The following P3H1 variants were observed in gnomAD, a reference collection of about 807,000 sequenced individuals.
P3H1 encodes prolyl 3-hydroxylase 1.
P3H1 carries 69 observed loss-of-function variants against 84.0 expected under a neutral mutation model. The ratio of observed to expected loss-of-function variants is 0.82; its 90% CI spans 0.68 to 1.00. The LOEUF (loss-of-function observed/expected upper bound fraction) is 1.00. Among genes scored for constraint, P3H1 ranks in the 50% least tolerant of loss-of-function variants. The probability of loss-of-function intolerance (pLI) is 0.00; values close to 1 mark genes in which losing one functional copy is unlikely to be tolerated. For missense variants in P3H1, 878 were observed against 962.8 expected, an observed-to-expected ratio of 0.91 and a Z score of 1.17; for synonymous variants, 366 against 388.8, an observed-to-expected ratio of 0.94 and a Z score of 0.69.
chr1:42,758,137 T>G (rs1332493677), intron 4 of P3H1, among the ~76,000 whole-genome samples: 1 of 152,156 alleles, frequency 6.6e-6, no homozygotes, highest in African/African-American at 2.4e-5. Context: ...GGTGAGGTGG[T>G]CAATGTCCTC....
rs1284394677 is a variant in P3H1 at position 42,750,817 on chromosome 1, T to TG, written c.1570-482dup. ...CCAGCCGCCCCGTCCGGGAGGGAGG[T>TG]GGGGGGGTCAGCCCCCTGCCCGGCC... On this transcript the variant is annotated intron_variant, in intron 10 of 14. Transcript: ENST00000296388. Among the ~76,000 whole-genome samples the TG allele has an allele frequency of 3.0e-3, 390 of 132,116 alleles. 1 individual carries two copies. The highest frequency in any genetic ancestry group is 0.011 in the African/African-American group (363 of 34,504). 86.7% of individuals were successfully genotyped at this position (132,116 alleles called of 152,430 possible). A position where few individuals can be genotyped will look rare whatever the true frequency, so the allele number is the denominator to read the frequency against.
Position 42,750,354 on chromosome 1 carries a change from G to C in P3H1, c.1570-18C>G. 6.2e-7 allele frequency: 1 copy of C among 1,613,622 alleles called. No homozygotes were observed. The highest frequency in any genetic ancestry group is 8.5e-7 in the Non-Finnish European group (1 of 1,179,898). The stretch of plus-strand genomic sequence containing the variant: ...TGCCCCAGCTGCCAAGGAGACAGAT[G>C]GTCAGCTGCCCTCAACGACTGATAT... On this transcript the variant is annotated intron_variant, in intron 10 of 14. Coordinates refer to ENST00000296388, the MANE Select transcript of P3H1 (RefSeq NM_022356.4).
rs1308728642 is a variant in P3H1 at position 42,750,299 on chromosome 1, T to A, written c.1607A>T (p.His536Leu). Residue 536 changes from histidine (H) to leucine (L), a missense_variant, in exon 11 of 15, where the codon CAC (histidine) becomes CTC (leucine). Physicochemically the swap from His to Leu is moderately conservative, Grantham distance 99. Transcript: ENST00000296388. Reference protein sequence around the residue: ...QEGKVPLQSAHLYYNVTEKVR... With the variant: ...QEGKVPLQSALLYYNVTEKVR... ...CTTCTCCGTCACGTTGTAGTACAGG[T>A]GGGCACTCTGCAGAGGAACTTTGCC... 1 of 1,614,048 alleles carries A rather than the reference T, an allele frequency of 6.2e-7. No individual in the cohort carries two copies. Among genetic ancestry groups the A allele is most frequent in the South Asian group, 1.1e-5 (1 of 91,050 alleles).
At position 42,755,459 on chromosome 1, in the gene P3H1, T is replaced by G. The variant is rs752294966; in HGVS notation, c.1170+89A>C. The G allele has an allele frequency of 2.1e-4, 257 of 1,238,792 alleles. 2 individuals are homozygous for G. The highest frequency in any genetic ancestry group is 6.1e-5 in the Non-Finnish European group (51 of 842,830). 76.7% of individuals were successfully genotyped at this position (1,238,792 alleles called of 1,614,324 possible). ...GGCTCAGCCTCCAGCAAGTTTTCTCTCAGAATCGCACAGTGTTCCCCTCCT... is the reference window on the plus strand; with the variant it reads ...GGCTCAGCCTCCAGCAAGTTTTCTCGCAGAATCGCACAGTGTTCCCCTCCT... On this transcript the variant is annotated intron_variant, in intron 6 of 14. Coordinates refer to ENST00000296388, the MANE Select transcript of P3H1 (RefSeq NM_022356.4).
At chr1:42,756,270 A>C (rs980984711) in intron 5 of P3H1, 1 of 155,146 alleles carries the variant, frequency 6.4e-6, no homozygotes, top group Admixed American at 6.3e-5. Flanking sequence ...CCTAAAGCCC[A>C]TGTGCTTTCT....
At chr1:42,752,811 A>G in intron 8 of P3H1, 147 bp from the exon 9 acceptor site, 2 of 1,005,156 alleles carry the variant, frequency 2.0e-6, no homozygotes, top group South Asian at 2.9e-5. Context: ...TTTCAAAGGT[A>G]GAATAGTCCA....
Position 42,766,579 on chromosome 1 carries a change from C to G in P3H1, c.393G>C (p.Ser131=). The G allele has an allele frequency of 6.2e-7, 1 of 1,611,194 alleles. No individual in the cohort carries two copies. Among genetic ancestry groups the G allele is most frequent in the Non-Finnish European group, 8.5e-7 (1 of 1,179,140 alleles). The stretch of plus-strand genomic sequence containing the variant: ...ACTCCAGCTCCATCTCTTCGCTGAG[C>G]GAGTGGGCGGCCGGCGGCCCGAGGC... The part of the protein sequence containing the change: ...RRCLGPPAAH[S]LSEEMELEFR... The change falls in exon 1 of 15, where the codon TCG becomes TCC. Residue 131 remains serine (S), a synonymous_variant. Coordinates refer to ENST00000296388, the MANE Select transcript of P3H1 (RefSeq NM_022356.4).
At position 42,754,785 on chromosome 1, in the gene P3H1, G is replaced by A; in HGVS notation, c.1345+84C>T. ...CTCATGGTGAGCTCTGCAATGCTGG[G>A]GTGGAGCGCTGCCTGGCAAATGTGG... On this transcript the variant is annotated intron_variant, in intron 8 of 14. Transcript: ENST00000296388. This position sits in a 1 kb window ranked among gnomAD's most constrained non-coding sequence, Gnocchi z 4.0. 1.3e-6 allele frequency: 2 copies of A among 1,581,244 alleles called. No homozygotes were observed. The highest frequency in any genetic ancestry group is 1.7e-6 in the Non-Finnish European group (2 of 1,152,144).
At position 42,750,655 on chromosome 1, in the gene P3H1, G is replaced by GC. The variant is rs1301230654; in HGVS notation, c.1570-320_1570-319insG. Among the ~76,000 whole-genome samples, 4 of 130,958 alleles carry GC rather than the reference G, an allele frequency of 3.1e-5. 1 individual carries two copies. Among genetic ancestry groups the GC allele is most frequent in the South Asian group, 2.5e-4 (1 of 4,016 alleles). The allele number at this position is 130,958 out of a possible 152,430, so 85.9% of individuals were successfully genotyped here. A position where few individuals can be genotyped will look rare whatever the true frequency, so the allele number is the denominator to read the frequency against. ...ACCCCGTCCGGGAGGGAGGCCGGGG[G>GC]GGGTGGTCGGCCAGCCGCCCCGTCC... On this transcript the variant is annotated intron_variant, in intron 10 of 14. Coordinates refer to ENST00000296388, the MANE Select transcript of P3H1 (RefSeq NM_022356.4).
chr1:42,759,249 C>T lies in P3H1; in HGVS notation c.760G>A (p.Gly254Ser), dbSNP rs914752084. The T allele has an allele frequency of 1.9e-6, 3 of 1,613,998 alleles. No individual in the cohort carries two copies. Among genetic ancestry groups the T allele is most frequent in the Admixed American group, 3.3e-5 (2 of 59,994 alleles). Reference sequence around the variant, plus strand: ...GCGTTGTACTCAAGGTAGTTGTAGCCATCGTAGTCATAGGGCCCTTCGCAG... The same window carrying T: ...GCGTTGTACTCAAGGTAGTTGTAGCTATCGTAGTCATAGGGCCCTTCGCAG... ...ALCEGPYDYDGYNYLEYNADL... is the reference protein window; with the variant it reads ...ALCEGPYDYDSYNYLEYNADL... Residue 254 changes from glycine (G) to serine (S), a missense_variant, in exon 3 of 15, where the codon GGC becomes AGC. Physicochemically the swap from Gly to Ser is moderately conservative, Grantham distance 56 (BLOSUM62 0). Coordinates refer to ENST00000296388, the MANE Select transcript of P3H1 (RefSeq NM_022356.4).
intron 4 of P3H1, 81 bp from the exon 5 acceptor site, chr1:42,758,003 G>T (rs1652498946): frequency 3.1e-6 from 4 of 1,305,998 alleles, no homozygotes; most frequent in Non-Finnish European, 3.3e-6. Flanking sequence ...ACCACTTAGT[G>T]TTCAGTCTCC....
rs1653018985 is a variant in P3H1, at chr1:42,766,664, G to C, written c.308C>G (p.Ala103Gly). Residue 103 changes from alanine (A) to glycine (G), a missense_variant, in exon 1 of 15, where the codon GCC (alanine) becomes GGC (glycine). Coordinates refer to ENST00000296388, the MANE Select transcript of P3H1 (RefSeq NM_022356.4). The part of the protein sequence containing the change: ...PSPAQASGAA[A>G]LRDLSFFGGL... ...CCCGAAGAAGCTCAGGTCGCGCAGG[G>C]CGGCGGCGCCCGAGGCCTGGGCCGG... is the stretch of plus-strand genomic sequence containing the variant. 1 of 1,541,436 alleles carries C rather than the reference G, an allele frequency of 6.5e-7. No individual in the cohort carries two copies. The highest frequency in any genetic ancestry group is 1.4e-5 in the African/African-American group (1 of 72,276).
rs1652177371 is a variant in P3H1, at chr1:42,752,625, T to G, written c.1385A>C (p.Asn462Thr). ...LLYEGISLTMNSKLLNGSQRV... is the reference protein window; with the variant it reads ...LLYEGISLTMTSKLLNGSQRV... ...CTGGGAACCATTCAGGAGTTTGGAG[T>G]TCATGGTGAGACTGATGCCTTCATA... Residue 462 changes from asparagine (N) to threonine (T), a missense_variant, in exon 9 of 15, where the codon AAC becomes ACC. Transcript: ENST00000296388. 1.2e-6 allele frequency: 2 copies of G among 1,613,938 alleles called. No individual in the cohort carries two copies. The highest frequency in any genetic ancestry group is 2.7e-5 in the African/African-American group (2 of 74,872).
chr1:42,750,238 A>C lies in P3H1; in HGVS notation c.1668T>G (p.Asp556Glu). 1 of 1,613,746 alleles carries C rather than the reference A, an allele frequency of 6.2e-7. No individual in the cohort carries two copies. The highest frequency in any genetic ancestry group is 8.5e-7 in the Non-Finnish European group (1 of 1,179,916). The change falls in exon 11 of 15, where the codon GAT (aspartate) becomes GAG (glutamate). Residue 556 changes from aspartate to glutamate, a missense_variant. Asp to Glu is a conservative substitution (Grantham distance 45). Transcript: ENST00000296388. ...GAGAGTAGGAAAAGTAGAGGGGCGTATCCAGGCGGAAGTAGGACTCCATGA... is the reference window on the plus strand; with the variant it reads ...GAGAGTAGGAAAAGTAGAGGGGCGTCTCCAGGCGGAAGTAGGACTCCATGA... ...RRIMESYFRL[D>E]TPLYFSYSHL...
intron 10 of P3H1, among the ~76,000 whole-genome samples, chr1:42,750,654 G>C (rs557622655): frequency 1.5e-5 from 2 of 129,696 alleles, no homozygotes; most frequent in Non-Finnish European, 3.2e-5. Flanking sequence ...GGAGGCCGGG[G>C]GGGGTGGTCG....
At chr1:42,748,657 G>A (rs532346973) in intron 11 of P3H1, 94 of 365,000 alleles carry the variant, frequency 2.6e-4, no homozygotes, top group Middle Eastern at 9.7e-4. Context: ...GAGGTGGGAC[G>A]GACGCAGGGC....
chr1:42,748,448 T>A, intron 11 of P3H1, 131 bp from the exon 12 acceptor site: 1 of 774,338 alleles, frequency 1.3e-6, no homozygotes, highest in African/African-American at 1.7e-5. Context: ...GGGGGTGTCT[T>A]TGGCTAAGCC....
rs1477610120 is a variant in P3H1, at chr1:42,748,301, C to A, written c.1737G>T (p.Arg579Ser). 6.2e-7 allele frequency: 1 copy of A among 1,613,248 alleles called. No homozygotes were observed. Among genetic ancestry groups the A allele is most frequent in the African/African-American group, 1.3e-5 (1 of 75,032 alleles). ...CGTGGACTGGATGACTATCATCCTTCCTCTCTGCCTGGACCTCTGGGGCCA... is the reference window on the plus strand; with the variant it reads ...CGTGGACTGGATGACTATCATCCTTACTCTCTGCCTGGACCTCTGGGGCCA... ...RTAIEEVQAE[R>S]KDDSHPVHVD... is the part of the protein sequence containing the mutation. Residue 579 changes from arginine (R) to serine (S), a missense_variant, in exon 12 of 15, where the codon AGG becomes AGT. Arg to Ser is a moderately radical substitution (Grantham distance 110). Coordinates refer to ENST00000296388, the MANE Select transcript of P3H1 (RefSeq NM_022356.4).
intron 8 of P3H1, among the ~76,000 whole-genome samples, chr1:42,752,883 G>C (rs1051643856): frequency 1.3e-5 from 2 of 152,160 alleles, no homozygotes; most frequent in Admixed American, 1.3e-4. Flanking sequence ...CCAAATAGCT[G>C]CTGGCTTTTG....
Sources: gnomAD v4.1 joint callset for allele counts (sites outside exome capture counted in the v4.1 genomes callset) on GRCh38, gnomAD v4.1.1 for gene constraint, Gnocchi (gnomAD v3.1) non-coding constraint, MANE v1.5 for transcripts, NCBI Gene and HGNC (gene_info 2026-07-23, HGNC 2026-07-21) for gene names.